Variants in AMBRA1 observed in about 807,000 individuals in gnomAD.
The protein encoded by AMBRA1 is autophagy and beclin 1 regulator 1.
In AMBRA1, 47 loss-of-function variants were observed where a neutral mutation model predicts 125.4. The ratio of observed to expected loss-of-function variants is 0.37; its 90% CI spans 0.30 to 0.48. The LOEUF is 0.48. Ranked by LOEUF, AMBRA1 falls within the 20% of genes least tolerant of loss-of-function variation. AMBRA1 has a pLI of 0.99. For missense variants in AMBRA1, 1,331 were observed against 1,693.4 expected, an observed-to-expected ratio of 0.79 and a Z score of 3.76; for synonymous variants, 626 against 655.5, an observed-to-expected ratio of 0.95 and a Z score of 0.69.
chr11:46,499,867 C>G (rs1370008932), intron 9 of AMBRA1, among the ~76,000 whole-genome samples: 2 of 152,082 alleles, frequency 1.3e-5, no homozygotes. Flanking sequence ...CTTGGCCAGG[C>G]TAGTCTTGAA....
chr11:46,419,980 A>G (rs1350550659), intron 14 of AMBRA1, among the ~76,000 whole-genome samples: 1 of 151,956 alleles, frequency 6.6e-6, no homozygotes, highest in East Asian at 1.9e-4. Flanking sequence ...AAAAGACAGC[A>G]GCACGTGTCC....
At chr11:46,445,428 A>G (rs982325000) in intron 11 of AMBRA1, among the ~76,000 whole-genome samples, 1 of 152,162 alleles carries the variant, frequency 6.6e-6, no homozygotes, top group Non-Finnish European at 1.5e-5. Flanking sequence ...GTGGCGTATC[A>G]TAAGATGAGG....
At chr11:46,455,045 C>T (rs979144899) in intron 11 of AMBRA1, among the ~76,000 whole-genome samples, 11 of 151,364 alleles carry the variant, frequency 7.3e-5, no homozygotes, top group Admixed American at 2.6e-4. Flanking sequence ...CCACACCCAG[C>T]TAATTAAAAA....
At position 46,572,522 on chromosome 11, in the gene AMBRA1, C is replaced by T. The variant is rs145121010; in HGVS notation, c.-121+21306G>A. On this transcript the variant is annotated intron_variant, in intron 1 of 17. Coordinates refer to ENST00000683756, the MANE Select transcript of AMBRA1 (RefSeq NM_001387011.1). The stretch of plus-strand genomic sequence containing the variant: ...ATAGCAGTTTAAAAACGAACTTCAT[C>T]AAAAACGAGCACACTAAGCACCCAC... Among the ~76,000 whole-genome samples, 326 of 152,240 alleles carry T rather than the reference C, an allele frequency of 2.1e-3. 3 individuals are homozygous for T. Among genetic ancestry groups the T allele is most frequent in the African/African-American group, 2.5e-3 (103 of 41,552 alleles).
intron 1 of AMBRA1, among the ~76,000 whole-genome samples, chr11:46,580,453 G>A (rs578111943): frequency 5.3e-4 from 80 of 152,114 alleles, no homozygotes; most frequent in Non-Finnish European, 1.1e-3. Context: ...CTAAAACTGA[G>A]GTCTTCATTC....
At chr11:46,479,366 C>A (rs1394520188) in intron 11 of AMBRA1, among the ~76,000 whole-genome samples, 1 of 152,108 alleles carries the variant, frequency 6.6e-6, no homozygotes, top group Non-Finnish European at 1.5e-5. Flanking sequence ...TTGGGGCTTA[C>A]CCAAACAGCT....
intron 9 of AMBRA1, among the ~76,000 whole-genome samples, chr11:46,501,914 CAA>C (rs1950856437): frequency 6.6e-6 from 1 of 152,000 alleles, no homozygotes. Flanking sequence ...TTACAGTTTC[CAA>C]AGAGGAATTA....
chr11:46,417,499 C>G (rs779441570), intron 15 of AMBRA1, among the ~76,000 whole-genome samples: 3 of 152,188 alleles, frequency 2.0e-5, no homozygotes, highest in Non-Finnish European at 4.4e-5. Context: ...TCAACAATAC[C>G]TATTTCCAAT....
chr11:46,514,579 C>A (rs142001347), intron 7 of AMBRA1, among the ~76,000 whole-genome samples: 158 of 152,216 alleles, frequency 1.0e-3, no homozygotes, highest in African/African-American at 3.8e-3. Flanking sequence ...CACTTTTCAC[C>A]TTTGAATGTG....
At chr11:46,532,098 G>A (rs997304274) in intron 7 of AMBRA1, among the ~76,000 whole-genome samples, 2 of 152,174 alleles carry the variant, frequency 1.3e-5, no homozygotes, top group Non-Finnish European at 2.9e-5. Flanking sequence ...TAGCCTGGGT[G>A]ACAGAGCAAG....
chr11:46,487,465 G>A (rs1259863498), intron 11 of AMBRA1, among the ~76,000 whole-genome samples: 1 of 152,070 alleles, frequency 6.6e-6, no homozygotes, highest in Non-Finnish European at 1.5e-5. Flanking sequence ...ACAGAAGGAT[G>A]CCTGAGAAAA....
chr11:46,584,350 A>C (rs954463413), intron 1 of AMBRA1, among the ~76,000 whole-genome samples: 4 of 127,960 alleles, frequency 3.1e-5, no homozygotes, highest in African/African-American at 1.2e-4. Flanking sequence ...AGGAAGGGGA[A>C]CATCACACTC....
intron 1 of AMBRA1, among the ~76,000 whole-genome samples, chr11:46,567,977 A>T (rs1484810604): frequency 2.7e-5 from 4 of 149,992 alleles, no homozygotes; most frequent in Non-Finnish European, 5.9e-5. Context: ...GTGAAACCCC[A>T]TCTCTACTAA....
intron 1 of AMBRA1, among the ~76,000 whole-genome samples, chr11:46,561,503 TG>T (rs1344487745): frequency 1.3e-5 from 2 of 151,854 alleles, no homozygotes; most frequent in Non-Finnish European, 2.9e-5. Context: ...AAACAAAACC[TG>T]GAAGAGGTTA....
At position 46,548,452 on chromosome 11, in the gene AMBRA1, C is replaced by G; in HGVS notation, c.-72G>C. 1 of 1,591,520 alleles carries G rather than the reference C, an allele frequency of 6.3e-7. No individual in the cohort carries two copies. Among genetic ancestry groups the G allele is most frequent in the Non-Finnish European group, 8.6e-7 (1 of 1,169,122 alleles). On this transcript the variant is annotated 5_prime_UTR_variant, in exon 2 of 18. Transcript: ENST00000683756. ...AAGTAACAGCTCCAACACACTGAAG[C>G]AGCTAAAATGAGGCCATACAGGTCC... is the stretch of plus-strand genomic sequence containing the variant.
intron 17 of AMBRA1, among the ~76,000 whole-genome samples, chr11:46,404,789 C>T (rs1444683960): frequency 6.6e-6 from 1 of 152,234 alleles, no homozygotes; most frequent in African/African-American, 2.4e-5. Context: ...CTCCTTCCCT[C>T]TGCCCCACCC....
chr11:46,442,341 T>C (rs538603154), intron 12 of AMBRA1, among the ~76,000 whole-genome samples: 16 of 152,008 alleles, frequency 1.1e-4, no homozygotes, highest in Admixed American at 1.0e-3. Context: ...CGAGGTTTCA[T>C]CATGTTGGCC....
chr11:46,551,481 A>G (rs980664803), intron 1 of AMBRA1, among the ~76,000 whole-genome samples: 4 of 152,084 alleles, frequency 2.6e-5, no homozygotes, highest in Non-Finnish European at 5.9e-5. Context: ...GGGTCTCGCT[A>G]TGTTGCCCAG....
At chr11:46,406,229 T>A (rs1291118813) in intron 17 of AMBRA1, among the ~76,000 whole-genome samples, 1 of 151,510 alleles carries the variant, frequency 6.6e-6, no homozygotes, top group Admixed American at 6.6e-5. Context: ...AATTTTTGTG[T>A]TTTTAGTAGA....
Sources: allele counts gnomAD v4.1 joint callset (sites outside exome capture counted in the v4.1 genomes callset), GRCh38; gene constraint gnomAD v4.1.1; transcripts MANE v1.5; gene names NCBI Gene and HGNC (gene_info 2026-07-23, HGNC 2026-07-21).